CCDC186: variants seen among roughly 807,000 people sequenced by gnomAD.
CCDC186 encodes the protein coiled-coil domain-containing protein 186.
A neutral mutation model predicts 113.7 loss-of-function variants in CCDC186; 49 were observed. The observed-to-expected ratio is 0.43, with a 90% CI of 0.34 to 0.55. The LOEUF (loss-of-function observed/expected upper bound fraction) is 0.55, where lower values mean the gene tolerates loss of function less well. CCDC186 is among the 20% of genes least tolerant of loss of function. CCDC186 has a pLI of 0.02. For synonymous variants in CCDC186, 355 were observed against 345.8 expected, an observed-to-expected ratio of 1.03 and a Z score of -0.30; for missense variants, 890 against 1,011.1, an observed-to-expected ratio of 0.88 and a Z score of 1.62.
At chr10:114,163,434 A>G in intron 1 of CCDC186, 105 bp from the exon 2 acceptor site, 1 of 899,182 alleles carries the variant, frequency 1.1e-6, no homozygotes, top group Non-Finnish European at 1.6e-6. Flanking sequence ...AAATTTTATC[A>G]CTAACAATTC....
At chr10:114,164,423 T>C (rs1416345015) in intron 1 of CCDC186, among the ~76,000 whole-genome samples, 8 of 152,060 alleles carry the variant, frequency 5.3e-5, no homozygotes, top group East Asian at 1.9e-4. Context: ...GCACCCGGCA[T>C]AGGATAGATT....
At chr10:114,149,999 T>C (rs778752258) in intron 4 of CCDC186, among the ~76,000 whole-genome samples, 1 of 152,192 alleles carries the variant, frequency 6.6e-6, no homozygotes, top group Non-Finnish European at 1.5e-5. Context: ...TCAGAACTGA[T>C]AGCAGGAGAG....
chr10:114,131,750 A>T (rs540499935), intron 11 of CCDC186, among the ~76,000 whole-genome samples, 179 bp downstream of exon 11: 1 of 152,308 alleles, frequency 6.6e-6, no homozygotes, highest in East Asian at 1.9e-4. Context: ...TTTAGGAAGA[A>T]ATTTTATTAT....
At chr10:114,151,640 G>A (rs185827987) in intron 3 of CCDC186, among the ~76,000 whole-genome samples, 17 of 152,332 alleles carry the variant, frequency 1.1e-4, no homozygotes, top group Admixed American at 3.3e-4. Flanking sequence ...GTCTCACTGA[G>A]ACTGTGAGTC....
chr10:114,137,316 A>G (rs759301496), intron 6 of CCDC186, 26 bp from the exon 7 acceptor site: 1 of 1,549,020 alleles, frequency 6.5e-7, no homozygotes, highest in East Asian at 2.2e-5. Context: ...ACAGAGACAC[A>G]GTTGGGTACA....
At chr10:114,149,420 G>A (rs866612075) in intron 4 of CCDC186, among the ~76,000 whole-genome samples, 1 of 152,064 alleles carries the variant, frequency 6.6e-6, no homozygotes, top group African/African-American at 2.4e-5. Flanking sequence ...CTTTAGGAAG[G>A]GGGTAAAATG....
Position 114,121,528 on chromosome 10 carries a change from T to TA in CCDC186, c.*3614dup, listed in dbSNP as rs2030723245. On this transcript the variant is annotated 3_prime_UTR_variant, in exon 16 of 16. Transcript: ENST00000369287. The stretch of plus-strand genomic sequence containing the variant: ...CAAATAGGCATTAATAATTTAATGG[T>TA]AAAAAATCTAATGCCATCTTATGGT... The TA allele has an allele frequency of 6.6e-6, 1 of 152,236 alleles. No homozygotes were observed. The highest frequency in any genetic ancestry group is 1.5e-5 in the Non-Finnish European group (1 of 68,046). The allele number at this position is 152,236 out of a possible 1,614,324, so 9.4% of individuals were successfully genotyped here.
rs149528243 is a variant in CCDC186 at position 114,145,648 on chromosome 10, T to C, written c.1002A>G (p.Lys334=). 1.1e-3 allele frequency: 1,754 copies of C among 1,613,576 alleles called. 5 individuals carry two copies. The highest frequency in any genetic ancestry group is 9.4e-3 in the Middle Eastern group (57 of 6,038). The change falls in exon 5 of 16, where the codon AAA becomes AAG. Residue 334 remains lysine, a synonymous_variant. Transcript: ENST00000369287. The part of the protein sequence containing the change: ...DLRKEKETLE[K]KLRDANKELE... ...GTTCCTTATTTGCATCTCTAAGTTT[T>C]TTCTCAAGTGTCTCTTTTTCCTTTC... is the stretch of plus-strand genomic sequence containing the variant.
chr10:114,126,659 A>C (rs1208032948), intron 14 of CCDC186, among the ~76,000 whole-genome samples: 7 of 152,214 alleles, frequency 4.6e-5, no homozygotes, highest in Non-Finnish European at 7.3e-5. Context: ...CTAGCTGAGC[A>C]ATTTCTTTAT....
Position 114,134,124 on chromosome 10 carries a change from G to A in CCDC186, c.1655+789C>T, listed in dbSNP as rs78067751. ...GATAACAGCAGAAAATATGGCTGCA[G>A]ATGCAGGCAGTTCATGGGACTGATG... On this transcript the variant is annotated intron_variant, in intron 10 of 15. Coordinates refer to ENST00000369287, the MANE Select transcript of CCDC186 (RefSeq NM_018017.4). 1.3e-4 allele frequency among the ~76,000 whole-genome samples: 20 copies of A among 152,330 alleles called. No individual in the cohort carries two copies. The East Asian group carries it at 3.3e-3, about 25-fold the overall frequency.
At chr10:114,150,527 G>C (rs1454298396) in intron 4 of CCDC186, among the ~76,000 whole-genome samples, 1 of 151,972 alleles carries the variant, frequency 6.6e-6, no homozygotes, top group Non-Finnish European at 1.5e-5. Context: ...TATGGAACAA[G>C]GAATGGGATA....
intron 2 of CCDC186, among the ~76,000 whole-genome samples, chr10:114,157,979 C>T (rs1313456437): frequency 1.3e-5 from 2 of 152,310 alleles, no homozygotes; most frequent in East Asian, 3.9e-4. Flanking sequence ...CAATTATGCA[C>T]CAATCCTGTC....
chr10:114,157,357 ATTT>A (rs5788057), intron 3 of CCDC186, among the ~76,000 whole-genome samples, 194 bp downstream of exon 3: 1 of 130,184 alleles, frequency 7.7e-6, no homozygotes, highest in Admixed American at 7.7e-5. Flanking sequence ...CTAATTTTCT[ATTT>A]TTTTTTTTTT....
chr10:114,167,044 T>C lies in CCDC186; in HGVS notation c.-61-3715A>G, dbSNP rs1391878826. Among the ~76,000 whole-genome samples the C allele has an allele frequency of 3.4e-5, 5 of 147,310 alleles. No individual in the cohort carries two copies. The East Asian group carries it at 6.0e-4, about 18-fold the overall frequency. On this transcript the variant is annotated intron_variant, in intron 1 of 15. Transcript: ENST00000369287. ...TTTTTTTTTTTTTTTTTTTTAAAGA[T>C]GGAGTCTCGCTCTGTTGCCAAGCTG...
chr10:114,171,867 CTT>C (rs1404795781), intron 1 of CCDC186, among the ~76,000 whole-genome samples: 1 of 152,190 alleles, frequency 6.6e-6, no homozygotes, highest in Non-Finnish European at 1.5e-5. Flanking sequence ...CTGATTTCCA[CTT>C]TGTGTCTACT....
In CCDC186 at chr10:114,121,167, C is replaced by T. The variant is rs1302676949; in HGVS notation, c.*3976G>A. 1.3e-5 allele frequency: 2 copies of T among 151,658 alleles called. No individual in the cohort carries two copies. Among genetic ancestry groups the T allele is most frequent in the South Asian group, 2.1e-4 (1 of 4,766 alleles). The allele number at this position is 151,658 out of a possible 1,614,324, so 9.4% of individuals were successfully genotyped here. On this transcript the variant is annotated 3_prime_UTR_variant, in exon 16 of 16. Transcript: ENST00000369287. ...TAAAAATTCTCCATGTTTAGATTAC[C>T]TTTTCAATTTTTCTTTGTTCATCTT...
rs1589620550 is a variant in CCDC186, at chr10:114,148,809, C to G, written c.888+2283G>C. ...CCTGAAAATTTATAATACAGCTACA[C>G]TCTCTTGTAAGTAGGGTTCAAATTC... is the stretch of plus-strand genomic sequence containing the variant. On this transcript the variant is annotated intron_variant, in intron 4 of 15. Coordinates refer to ENST00000369287, the MANE Select transcript of CCDC186 (RefSeq NM_018017.4). Among the ~76,000 whole-genome samples, 2 of 152,316 alleles carry G rather than the reference C, an allele frequency of 1.3e-5. 1 individual carries two copies. The highest frequency in any genetic ancestry group is 3.9e-4 in the East Asian group (2 of 5,192).
At chr10:114,137,753 T>A (rs192443964) in intron 6 of CCDC186, among the ~76,000 whole-genome samples, 2,038 of 151,972 alleles carry the variant, frequency 0.013, 56 homozygotes, top group African/African-American at 0.046. Context: ...AATAAAAAAA[T>A]TGGCCAGGCA....
Position 114,126,124 on chromosome 10 carries a change from G to GT in CCDC186, c.2394-20dup. 1.9e-6 allele frequency: 3 copies of GT among 1,593,636 alleles called. No homozygotes were observed. Among genetic ancestry groups the GT allele is most frequent in the Admixed American group, 1.7e-5 (1 of 59,842 alleles). On this transcript the variant is annotated intron_variant, in intron 14 of 15. Transcript: ENST00000369287. The stretch of plus-strand genomic sequence containing the variant: ...AATTATTCTGCAAAACAAAATGATA[G>GT]TATCAGTTGTGTACTTGTAGAATTA...
Sources: allele counts gnomAD v4.1 joint callset (sites outside exome capture counted in the v4.1 genomes callset), GRCh38; gene constraint gnomAD v4.1.1; transcripts MANE v1.5; gene names NCBI Gene and HGNC (gene_info 2026-07-23, HGNC 2026-07-21).